GRIK2: variants seen among roughly 807,000 people sequenced by gnomAD.
GRIK2 encodes the protein glutamate ionotropic receptor kainate type subunit 2.
In GRIK2, 32 loss-of-function variants were observed where a neutral mutation model predicts 100.3. That is an observed-to-expected ratio of 0.32 (90% CI 0.24 to 0.43). The LOEUF is 0.43. GRIK2 is among the 20% of genes least tolerant of loss of function. GRIK2 has a pLI of 1.00. For synonymous variants in GRIK2, 417 were observed against 389.4 expected (o/e 1.07, Z -0.83); for missense variants, 843 against 1,114.9 (o/e 0.76, Z 3.47).
At chr6:102,017,942 C>T (rs1769207405) in intron 14 of GRIK2, among the ~76,000 whole-genome samples, 1 of 152,020 alleles carries the variant, frequency 6.6e-6, no homozygotes, top group African/African-American at 2.4e-5. Flanking sequence ...TTACTTTTTC[C>T]ATTAAAGGCC....
intron 2 of GRIK2, among the ~76,000 whole-genome samples, chr6:101,443,720 T>C (rs1770210149): frequency 6.6e-6 from 1 of 152,062 alleles, no homozygotes; most frequent in South Asian, 2.1e-4. Context: ...CTGAACTGAA[T>C]CAAGGTAATA....
intron 7 of GRIK2, among the ~76,000 whole-genome samples, chr6:101,780,879 A>G (rs1326867056): frequency 6.6e-6 from 1 of 152,192 alleles, no homozygotes. Context: ...ATAGAAGCAA[A>G]CTAGAATGTT....
chr6:101,608,562 A>G (rs1233656144), intron 2 of GRIK2, among the ~76,000 whole-genome samples: 1 of 151,914 alleles, frequency 6.6e-6, no homozygotes, highest in Admixed American at 6.6e-5. Context: ...TTATATTTAT[A>G]TTAATGCAAA....
intron 2 of GRIK2, among the ~76,000 whole-genome samples, chr6:101,588,938 A>G (rs1229797778): frequency 6.6e-6 from 1 of 152,158 alleles, no homozygotes; most frequent in African/African-American, 2.4e-5. Context: ...CAAAAATGGC[A>G]CAATGTAAGG....
intron 2 of GRIK2, among the ~76,000 whole-genome samples, chr6:101,442,490 G>T (rs535729255): frequency 7.9e-5 from 12 of 152,110 alleles, no homozygotes; most frequent in African/African-American, 2.7e-4. Context: ...GGCTGTCTCC[G>T]AACCTTAATA....
intron 10 of GRIK2, among the ~76,000 whole-genome samples, chr6:101,839,995 G>A (rs1783395430): frequency 6.6e-6 from 1 of 152,124 alleles, no homozygotes. Flanking sequence ...TTGGAGTTAA[G>A]ATGATGGTTG....
chr6:101,931,255 C>T lies in GRIK2; in HGVS notation c.2085+2623C>T, dbSNP rs144076245. Among the ~76,000 whole-genome samples the T allele has an allele frequency of 3.9e-3, 600 of 152,050 alleles. 3 individuals carry two copies. The highest frequency in any genetic ancestry group is 0.014 in the African/African-American group (569 of 41,486). ...CTCATTTTGAAACTGTACAGTGAAC[C>T]AGAGACTATTTTGTAGTGTATTTAC... is the stretch of plus-strand genomic sequence containing the variant. On this transcript the variant is annotated intron_variant, in intron 14 of 16. Coordinates refer to ENST00000369134, the MANE Select transcript of GRIK2 (RefSeq NM_021956.5).
At chr6:101,531,943 A>G (rs1431722885) in intron 2 of GRIK2, among the ~76,000 whole-genome samples, 1 of 151,978 alleles carries the variant, frequency 6.6e-6, no homozygotes, top group Non-Finnish European at 1.5e-5. Flanking sequence ...ATAACTTACC[A>G]AGTTGTCTTC....
chr6:101,563,144 G>A (rs1044122866), intron 2 of GRIK2, among the ~76,000 whole-genome samples: 4 of 152,032 alleles, frequency 2.6e-5, no homozygotes, highest in South Asian at 4.2e-4. Flanking sequence ...GCTAATATGC[G>A]ACACATGTTT....
intron 14 of GRIK2, among the ~76,000 whole-genome samples, chr6:101,961,390 G>A (rs1792288952): frequency 6.6e-6 from 1 of 152,068 alleles, no homozygotes. Context: ...GGACATACCA[G>A]GAGTGGGAGT....
intron 14 of GRIK2, among the ~76,000 whole-genome samples, chr6:102,014,245 T>A (rs1051708580): frequency 4.6e-5 from 7 of 152,214 alleles, no homozygotes; most frequent in Non-Finnish European, 1.0e-4. Flanking sequence ...GTGTTCATAA[T>A]AGTCTTTGAT....
chr6:101,916,110 G>T (rs928684546), intron 12 of GRIK2, among the ~76,000 whole-genome samples: 1 of 151,350 alleles, frequency 6.6e-6, no homozygotes, highest in African/African-American at 2.4e-5. Context: ...TAAAGTTTAG[G>T]CTTCAGGTAA....
At chr6:101,966,449 A>T (rs898633566) in intron 14 of GRIK2, among the ~76,000 whole-genome samples, 31 of 152,164 alleles carry the variant, frequency 2.0e-4, no homozygotes, top group African/African-American at 7.5e-4. Flanking sequence ...AGAGTTTGAC[A>T]AGGCTGGAGT....
chr6:101,616,062 G>A (rs1311629213), intron 2 of GRIK2, among the ~76,000 whole-genome samples: 1 of 151,604 alleles, frequency 6.6e-6, no homozygotes, highest in East Asian at 1.9e-4. Flanking sequence ...GCCATGCTTT[G>A]GATTTGATCC....
chr6:101,913,410 T>A (rs2128466485), intron 12 of GRIK2, among the ~76,000 whole-genome samples: 1 of 151,270 alleles, frequency 6.6e-6, no homozygotes, highest in East Asian at 1.9e-4. Flanking sequence ...AAGAATTTCA[T>A]TTTTCTGTGT....
intron 7 of GRIK2, among the ~76,000 whole-genome samples, chr6:101,756,864 T>TA (rs1777167271): frequency 6.6e-6 from 1 of 152,200 alleles, no homozygotes; most frequent in Non-Finnish European, 1.5e-5. Flanking sequence ...TGAAGTTTGA[T>TA]AAAAAATTTG....
chr6:101,465,102 G>A (rs1335483135), intron 2 of GRIK2, among the ~76,000 whole-genome samples: 1 of 152,062 alleles, frequency 6.6e-6, no homozygotes, highest in Non-Finnish European at 1.5e-5. Flanking sequence ...TTTTTTGCCT[G>A]CTGACTCTTA....
intron 7 of GRIK2, among the ~76,000 whole-genome samples, chr6:101,746,123 T>C (rs894514310): frequency 5.3e-5 from 8 of 152,204 alleles, no homozygotes; most frequent in Non-Finnish European, 1.0e-4. Flanking sequence ...AATTAATTTA[T>C]TTAGTTGAAT....
At chr6:102,008,694 C>T (rs1045335959) in intron 14 of GRIK2, among the ~76,000 whole-genome samples, 13 of 151,952 alleles carry the variant, frequency 8.6e-5, no homozygotes, top group Non-Finnish European at 1.0e-4. Flanking sequence ...TTTATCTGAT[C>T]GAAATAATTT....
Sources: gnomAD v4.1 joint callset for allele counts (sites outside exome capture counted in the v4.1 genomes callset) on GRCh38, gnomAD v4.1.1 for gene constraint, MANE v1.5 for transcripts, NCBI Gene and HGNC (gene_info 2026-07-23, HGNC 2026-07-21) for gene names.